ZNF140: variants seen among roughly 807,000 people sequenced by gnomAD.
ZNF140 encodes the protein zinc finger protein 140 (clone pHZ-39).
Under a neutral mutation model 12.9 loss-of-function variants are expected in ZNF140, and 13 were observed. The ratio of observed to expected loss-of-function variants is 1.01; its 90% confidence interval spans 0.66 to 1.60. The LOEUF is 1.60. Ranked by LOEUF, ZNF140 falls within the 40% of genes most tolerant of loss-of-function variation. The pLI, the probability that ZNF140 is intolerant of heterozygous loss-of-function variation, is 0.00. For missense variants in ZNF140, 531 were observed against 548.8 expected, an observed-to-expected ratio of 0.97 and a Z score of 0.32; for synonymous variants, 214 against 186.7, an observed-to-expected ratio of 1.15 and a Z score of -1.19.
intron 4 of ZNF140, among the ~76,000 whole-genome samples, chr12:133,099,888 C>G (rs988021277): frequency 6.6e-6 from 1 of 151,390 alleles, no homozygotes; most frequent in South Asian, 2.1e-4. Context: ...TTCTCCTTCA[C>G]TTTTGAAGGA....
At chr12:133,104,140 G>A (rs1210318372) in intron 4 of ZNF140, among the ~76,000 whole-genome samples, 3 of 152,184 alleles carry the variant, frequency 2.0e-5, no homozygotes, top group Non-Finnish European at 2.9e-5. Flanking sequence ...TGACAAATGC[G>A]TTTTTAGATG....
At chr12:133,090,041 G>T (rs1954804795) in intron 4 of ZNF140, among the ~76,000 whole-genome samples, 1 of 151,884 alleles carries the variant, frequency 6.6e-6, no homozygotes, top group Non-Finnish European at 1.5e-5. Context: ...TAGAGATGGG[G>T]TCTCATCATG....
intron 4 of ZNF140, among the ~76,000 whole-genome samples, chr12:133,098,705 TATTATC>T (rs923561773): frequency 1.3e-4 from 20 of 152,190 alleles, no homozygotes; most frequent in African/African-American, 4.1e-4. Context: ...AATACATTGT[TATTATC>T]ATTATTTTTT....
chr12:133,083,363 C>T, intron 3 of ZNF140, 103 bp from the exon 4 acceptor site: 2 of 1,501,762 alleles, frequency 1.3e-6, no homozygotes, highest in East Asian at 2.3e-5. Flanking sequence ...CGTAACTGCA[C>T]CTTATTTTTA....
At chr12:133,105,400 A>G (rs1293075962) in intron 4 of ZNF140, 110 bp from the exon 5 acceptor site, 40 of 1,151,468 alleles carry the variant, frequency 3.5e-5, no homozygotes, top group Non-Finnish European at 4.7e-5. Flanking sequence ...GAAAGCTGCT[A>G]TTGATAAGAT....
chr12:133,101,078 T>C, intron 4 of ZNF140: 1 of 397,352 alleles, frequency 2.5e-6, no homozygotes, highest in South Asian at 1.9e-5. Flanking sequence ...CTTTGACTTC[T>C]TTTTTCTTTG....
chr12:133,095,706 T>G (rs921591012), intron 4 of ZNF140, among the ~76,000 whole-genome samples: 19 of 151,684 alleles, frequency 1.3e-4, no homozygotes, highest in Non-Finnish European at 2.6e-4. Context: ...AGGGTGATAA[T>G]AAGGAGAAGG....
intron 4 of ZNF140, 29 bp downstream of exon 4, chr12:133,083,590 T>C: frequency 1.9e-6 from 3 of 1,589,792 alleles, no homozygotes; most frequent in Admixed American, 3.7e-5. Context: ...GATGGGGAAA[T>C]TTTTTAAAAC....
chr12:133,097,765 T>C (rs1369508704), intron 4 of ZNF140, among the ~76,000 whole-genome samples: 3 of 151,968 alleles, frequency 2.0e-5, no homozygotes, highest in Non-Finnish European at 2.9e-5. Context: ...GAGATCCTTT[T>C]GCCTCAGTCT....
chr12:133,105,399 T>C, intron 4 of ZNF140, 111 bp from the exon 5 acceptor site: 3 of 1,134,364 alleles, frequency 2.6e-6, no homozygotes, highest in South Asian at 1.7e-5. Flanking sequence ...TGAAAGCTGC[T>C]ATTGATAAGA....
chr12:133,086,400 T>C (rs11609813), intron 4 of ZNF140, among the ~76,000 whole-genome samples: 19,977 of 152,270 alleles, frequency 0.13, 1,671 homozygotes, highest in South Asian at 0.22. Flanking sequence ...TAAACTTGCA[T>C]TTGTCAGGCC....
At chr12:133,102,883 T>C (rs1013525412) in intron 4 of ZNF140, among the ~76,000 whole-genome samples, 18 of 152,224 alleles carry the variant, frequency 1.2e-4, no homozygotes, top group African/African-American at 4.3e-4. Flanking sequence ...GTGAGGTGAT[T>C]GAGGAAGGGA....
At chr12:133,088,986 CA>C (rs1266308060) in intron 4 of ZNF140, among the ~76,000 whole-genome samples, 1 of 152,054 alleles carries the variant, frequency 6.6e-6, no homozygotes, top group Non-Finnish European at 1.5e-5. Flanking sequence ...AGAATTTTTA[CA>C]TTTATGTTCA....
rs1010785836 is a variant in ZNF140, at chr12:133,106,901, C to T, written c.*250C>T. 3.1e-6 allele frequency: 1 copy of T among 317,520 alleles called. No individual in the cohort carries two copies. Among genetic ancestry groups the T allele is most frequent in the Non-Finnish European group, 5.8e-6 (1 of 172,826 alleles). The allele number at this position is 317,520 out of a possible 1,614,324, so 19.7% of individuals were successfully genotyped here. A position where few individuals can be genotyped will look rare whatever the true frequency, so the allele number is the denominator to read the frequency against. On this transcript the variant is annotated 3_prime_UTR_variant, in exon 5 of 5. Transcript: ENST00000355557. ...AATATTGTTGAGAAGATTCTTCCAT[C>T]TGGTAATGTTGAGAAGACTTCATTT...
At chr12:133,099,184 A>G (rs1593791323) in intron 4 of ZNF140, among the ~76,000 whole-genome samples, 2 of 109,312 alleles carry the variant, frequency 1.8e-5, no homozygotes, top group African/African-American at 7.4e-5. Context: ...CTTGTATTTT[A>G]TTTTTTGAGA....
rs949012779 is a variant in ZNF140, at chr12:133,094,911, C to T, written c.233-10599C>T. Reference sequence around the variant, plus strand: ...GTAATTGATTGTAGTCAACATTTTGCGTTGACCGAGCCATTACTGGCTCTG... The same window carrying T: ...GTAATTGATTGTAGTCAACATTTTGTGTTGACCGAGCCATTACTGGCTCTG... On this transcript the variant is annotated intron_variant, in intron 4 of 4. Transcript: ENST00000355557. Among the ~76,000 whole-genome samples the T allele has an allele frequency of 2.6e-5, 4 of 151,352 alleles. 1 individual carries two copies. The highest frequency in any genetic ancestry group is 6.6e-5 in the Admixed American group (1 of 15,228).
intron 4 of ZNF140, among the ~76,000 whole-genome samples, chr12:133,088,672 C>T (rs1954761628): frequency 6.6e-6 from 1 of 152,218 alleles, no homozygotes; most frequent in South Asian, 2.1e-4. Flanking sequence ...TTGTAAGTAA[C>T]TGCCAAAATG....
intron 4 of ZNF140, among the ~76,000 whole-genome samples, chr12:133,100,225 T>G (rs975640746): frequency 2.4e-4 from 32 of 132,374 alleles, no homozygotes; most frequent in African/African-American, 9.0e-4. Context: ...TGGAGTGCAG[T>G]GGTGTTATCA....
chr12:133,086,452 C>G (rs952963550), intron 4 of ZNF140, among the ~76,000 whole-genome samples: 18 of 151,520 alleles, frequency 1.2e-4, no homozygotes, highest in African/African-American at 3.9e-4. Flanking sequence ...TATTGAACAT[C>G]TAGGTATCCC....
Sources: allele counts gnomAD v4.1 joint callset (sites outside exome capture counted in the v4.1 genomes callset), GRCh38; gene constraint gnomAD v4.1.1; transcripts MANE v1.5; gene names NCBI Gene and HGNC (gene_info 2026-07-23, HGNC 2026-07-21).